Variants in ZNF614 observed in about 807,000 individuals in gnomAD.
The protein encoded by ZNF614 is zinc finger protein 614.
ZNF614 carries 11 observed loss-of-function variants against 12.8 expected under a neutral mutation model. The observed-to-expected ratio is 0.86, with a 90% CI of 0.54 to 1.43. ZNF614 has a LOEUF of 1.43. ZNF614 is among the 40% of genes most tolerant of loss of function. The pLI is 0.00. For missense variants in ZNF614, 664 were observed against 708.8 expected, an observed-to-expected ratio of 0.94 and a Z score of 0.72; for synonymous variants, 237 against 237.5, an observed-to-expected ratio of 1.00 and a Z score of 0.02.
rs2086888625 is a variant in ZNF614 at position 52,015,168 on chromosome 19, C to T, written c.*672G>A. The T allele has an allele frequency of 6.9e-6, 1 of 144,590 alleles. No individual in the cohort carries two copies. Among genetic ancestry groups the T allele is most frequent in the South Asian group, 2.3e-4 (1 of 4,284 alleles). 9.0% of individuals were successfully genotyped at this position (144,590 alleles called of 1,614,324 possible). A position where few individuals can be genotyped will look rare whatever the true frequency, so the allele number is the denominator to read the frequency against. ...TAAGAAAAAGCACTCAAATATTCAT[C>T]ATTTTCACCACATTTCATGCCTTCA... On this transcript the variant is annotated 3_prime_UTR_variant, in exon 5 of 5. Coordinates refer to ENST00000270649, the MANE Select transcript of ZNF614 (RefSeq NM_025040.4).
Position 52,016,193 on chromosome 19 carries a change from A to C in ZNF614, c.1405T>G (p.Cys469Gly). The change falls in exon 5 of 5, where the codon TGC becomes GGC. Residue 469 changes from cysteine (C) to glycine (G), a missense_variant. Coordinates refer to ENST00000270649, the MANE Select transcript of ZNF614 (RefSeq NM_025040.4). Reference protein sequence around the residue: ...ECGKAFSQKICLIQHERCHTG... With the variant: ...ECGKAFSQKIGLIQHERCHTG... ...TGACATCTCTCATGTTGTATGAGGC[A>C]TATTTTCTGGCTGAAGGCTTTACCA... is the stretch of plus-strand genomic sequence containing the variant. 6.2e-7 allele frequency: 1 copy of C among 1,614,040 alleles called. No individual in the cohort carries two copies. The highest frequency in any genetic ancestry group is 8.5e-7 in the Non-Finnish European group (1 of 1,179,928).
intron 4 of ZNF614, 188 bp from the exon 5 acceptor site, chr19:52,017,547 C>A (rs1295278117): frequency 3.7e-6 from 2 of 538,804 alleles, no homozygotes; most frequent in Middle Eastern, 5.0e-4. Flanking sequence ...ACTAAAATTA[C>A]AAAATTAGCC....
intron 4 of ZNF614, chr19:52,017,763 A>G (rs947305953): frequency 4.9e-6 from 2 of 407,140 alleles, no homozygotes; most frequent in Non-Finnish European, 8.6e-6. Flanking sequence ...CTTTATTGTC[A>G]ACTCTACGAT....
rs2086892190 is a variant in ZNF614, at chr19:52,015,819, A to G, written c.*21T>C. The G allele has an allele frequency of 5.7e-6, 9 of 1,579,884 alleles. No individual in the cohort carries two copies. The highest frequency in any genetic ancestry group is 6.9e-6 in the Non-Finnish European group (8 of 1,163,868). On this transcript the variant is annotated 3_prime_UTR_variant, in exon 5 of 5. Coordinates refer to ENST00000270649, the MANE Select transcript of ZNF614 (RefSeq NM_025040.4). ...GCATTTCCATAGTCACGGCACTAGTAGGGTTTTCTTCTGCATGAGTTCACT... is the reference window on the plus strand; with the variant it reads ...GCATTTCCATAGTCACGGCACTAGTGGGGTTTTCTTCTGCATGAGTTCACT...
In ZNF614 at chr19:52,014,602, A is replaced by G. The variant is rs2086885514; in HGVS notation, c.*1238T>C. 6.6e-6 allele frequency: 1 copy of G among 152,184 alleles called. No homozygotes were observed. Among genetic ancestry groups the G allele is most frequent in the Non-Finnish European group, 1.5e-5 (1 of 68,032 alleles). The allele number at this position is 152,184 out of a possible 1,614,324, so 9.4% of individuals were successfully genotyped here. Reference sequence around the variant, plus strand: ...TGAAGAGGTACATAGAGTAAAGCCTAAAAAGGGTTCTCCTAATCTCAGGAG... The same window carrying G: ...TGAAGAGGTACATAGAGTAAAGCCTGAAAAGGGTTCTCCTAATCTCAGGAG... On this transcript the variant is annotated 3_prime_UTR_variant, in exon 5 of 5. Coordinates refer to ENST00000270649, the MANE Select transcript of ZNF614 (RefSeq NM_025040.4).
rs2086923310 is a variant in ZNF614, at chr19:52,019,918, TAG to T, written c.16-1426_16-1425del. 2.0e-5 allele frequency among the ~76,000 whole-genome samples: 3 copies of T among 152,322 alleles called. No individual in the cohort carries two copies. In the South Asian group the frequency reaches 6.2e-4, roughly 32 times the overall value. On this transcript the variant is annotated intron_variant, in intron 2 of 4. Transcript: ENST00000270649. ...GTGGGATGCTGCATAGTCAAGAAAGTAGACTCATGAGAGTGCGCAAGTGCTCA... is the reference window on the plus strand; with the variant it reads ...GTGGGATGCTGCATAGTCAAGAAAGTACTCATGAGAGTGCGCAAGTGCTCA...
intron 3 of ZNF614, 116 bp downstream of exon 3, chr19:52,018,252 C>G (rs1331544385): frequency 1.9e-6 from 3 of 1,548,498 alleles, no homozygotes; most frequent in Non-Finnish European, 2.7e-6. Context: ...AGAGAGGGGA[C>G]TGAAAATGTA....
Position 52,016,304 on chromosome 19 carries a change from A to T in ZNF614, c.1294T>A (p.Cys432Ser), listed in dbSNP as rs2086896514. ...CGCTTTGTGGTGAAGCCTTTACCAC[A>T]TTCATTGCATATGTAAGATTTCTCT... ...TGEKSYICNECGKGFTTKRTL... is the reference protein window; with the variant it reads ...TGEKSYICNESGKGFTTKRTL... The change falls in exon 5 of 5, where the codon TGT becomes AGT. Residue 432 changes from cysteine to serine, a missense_variant. Coordinates refer to ENST00000270649, the MANE Select transcript of ZNF614 (RefSeq NM_025040.4). 6.2e-7 allele frequency: 1 copy of T among 1,614,082 alleles called. No homozygotes were observed.
intron 2 of ZNF614, among the ~76,000 whole-genome samples, chr19:52,021,475 G>A (rs774225295): frequency 5.3e-5 from 8 of 152,262 alleles, no homozygotes; most frequent in Middle Eastern, 3.4e-3. Flanking sequence ...ATGAGGCCAG[G>A]AGTGGGGCAC....
At chr19:52,021,910 A>G (rs1031833849) in intron 2 of ZNF614, among the ~76,000 whole-genome samples, 3 of 152,224 alleles carry the variant, frequency 2.0e-5, no homozygotes, top group Non-Finnish European at 4.4e-5. Context: ...ATAAACAATT[A>G]TAAATCAGTA....
chr19:52,021,894 G>C (rs1000402411), intron 2 of ZNF614, among the ~76,000 whole-genome samples: 4 of 152,080 alleles, frequency 2.6e-5, no homozygotes, highest in African/African-American at 7.2e-5. Flanking sequence ...TCAATATCCA[G>C]TCAAGATAAA....
rs2086884044 is a variant in ZNF614, at chr19:52,014,373, G to A, written c.*1467C>T. On this transcript the variant is annotated 3_prime_UTR_variant, in exon 5 of 5. Transcript: ENST00000270649. ...AGTTAGTGCAGTCTAAATTAGTGCA[G>A]ACTCCACAAGTTAAGGGGCTCAGTC... 1.3e-5 allele frequency: 2 copies of A among 152,178 alleles called. No homozygotes were observed. The highest frequency in any genetic ancestry group is 4.1e-4 in the South Asian group (2 of 4,828). 9.4% of individuals were successfully genotyped at this position (152,178 alleles called of 1,614,324 possible).
Position 52,016,723 on chromosome 19 carries a change from C to T in ZNF614, c.875G>A (p.Cys292Tyr), listed in dbSNP as rs1167751720. ...TEEKSYMCSE[C>Y]GKGFTMKRYL... The stretch of plus-strand genomic sequence containing the variant: ...GCGCTTCATTGTAAAGCCCTTTCCA[C>T]ACTCACTGCACATATAGGATTTCTC... The change falls in exon 5 of 5, where the codon TGT (cysteine) becomes TAT (tyrosine). Residue 292 changes from cysteine (C) to tyrosine (Y), a missense_variant. Transcript: ENST00000270649. The T allele has an allele frequency of 1.9e-6, 3 of 1,614,166 alleles. No homozygotes were observed. The highest frequency in any genetic ancestry group is 2.5e-6 in the Non-Finnish European group (3 of 1,180,042).
intron 2 of ZNF614, among the ~76,000 whole-genome samples, chr19:52,020,573 C>T (rs2086927213): frequency 6.6e-6 from 1 of 152,226 alleles, no homozygotes; most frequent in Admixed American, 6.5e-5. Flanking sequence ...ATTGAGACTT[C>T]ATGATGTAGG....
At position 52,015,714 on chromosome 19, in the gene ZNF614, G is replaced by C; in HGVS notation, c.*126C>G. The C allele has an allele frequency of 1.1e-6, 1 of 902,090 alleles. No individual in the cohort carries two copies. Among genetic ancestry groups the C allele is most frequent in the Non-Finnish European group, 1.7e-6 (1 of 588,108 alleles). 55.9% of individuals were successfully genotyped at this position (902,090 alleles called of 1,614,324 possible). On this transcript the variant is annotated 3_prime_UTR_variant, in exon 5 of 5. Coordinates refer to ENST00000270649, the MANE Select transcript of ZNF614 (RefSeq NM_025040.4). Reference sequence around the variant, plus strand: ...ACCTCCTGAGGACAGACACACATCTGTCAACAGGCAGCACCATGTTTATGT... The same window carrying C: ...ACCTCCTGAGGACAGACACACATCTCTCAACAGGCAGCACCATGTTTATGT...
Position 52,013,390 on chromosome 19 carries a change from G to A in ZNF614, c.*2450C>T, listed in dbSNP as rs2123112976. The A allele has an allele frequency of 4.0e-6, 1 of 252,732 alleles. No individual in the cohort carries two copies. The highest frequency in any genetic ancestry group is 1.5e-4 in the East Asian group (1 of 6,772). 15.7% of individuals were successfully genotyped at this position (252,732 alleles called of 1,614,324 possible). On this transcript the variant is annotated 3_prime_UTR_variant, in exon 5 of 5. Transcript: ENST00000270649. ...AAAACAGTGCAAATATATCTCATAG[G>A]TGAATGGATAAACTACTACATCAAA...
chr19:52,026,584 T>C (rs2086974847), intron 1 of ZNF614, among the ~76,000 whole-genome samples: 1 of 152,152 alleles, frequency 6.6e-6, no homozygotes, highest in African/African-American at 2.4e-5. Flanking sequence ...AGATATGGCC[T>C]CGTGGGAAGG....
chr19:52,021,063 T>A (rs993136719), intron 2 of ZNF614, among the ~76,000 whole-genome samples: 1 of 152,226 alleles, frequency 6.6e-6, no homozygotes, highest in Non-Finnish European at 1.5e-5. Flanking sequence ...ATCTGTCATT[T>A]TCTAGCTTTG....
At position 52,016,531 on chromosome 19, in the gene ZNF614, C is replaced by T. The variant is rs1420270141; in HGVS notation, c.1067G>A (p.Arg356His). The change falls in exon 5 of 5, where the codon CGC becomes CAC. Residue 356 changes from arginine to histidine, a missense_variant. Coordinates refer to ENST00000270649, the MANE Select transcript of ZNF614 (RefSeq NM_025040.4). ...AGTTCGCTGATGTACAACAAGATAG[C>T]GCTTCATGGTGAAGCCTTTTCCACA... ...SECGKGFTMK[R>H]YLVVHQRTHT... The T allele has an allele frequency of 1.2e-6, 2 of 1,613,870 alleles. No homozygotes were observed. Among genetic ancestry groups the T allele is most frequent in the South Asian group, 1.1e-5 (1 of 91,076 alleles).
Sources: gnomAD v4.1 joint callset for allele counts (sites outside exome capture counted in the v4.1 genomes callset) on GRCh38, gnomAD v4.1.1 for gene constraint, MANE v1.5 for transcripts, NCBI Gene and HGNC (gene_info 2026-07-23, HGNC 2026-07-21) for gene names.